PRIM2: variants seen among roughly 807,000 people sequenced by gnomAD.
PRIM2 encodes DNA primase large subunit.
Under a neutral mutation model 67.3 loss-of-function variants are expected in PRIM2, and 39 were observed. The ratio of observed to expected loss-of-function variants is 0.58; its 90% CI spans 0.45 to 0.76. The LOEUF is 0.76. PRIM2 is among the 30% of genes least tolerant of loss of function. The pLI is 0.00. For missense variants in PRIM2, 398 were observed against 598.7 expected (o/e 0.66, Z 3.50); for synonymous variants, 143 against 198.7 (o/e 0.72, Z 2.36).
chr6:57,342,549 T>C (rs199695599), intron 5 of PRIM2, among the ~76,000 whole-genome samples: 1 of 152,334 alleles, frequency 6.6e-6, no homozygotes, highest in East Asian at 1.9e-4. Flanking sequence ...TTGGATGCTT[T>C]TTAAAACCTC....
chr6:57,420,684 A>T (rs1771434842), intron 7 of PRIM2, among the ~76,000 whole-genome samples: 1 of 152,320 alleles, frequency 6.6e-6, no homozygotes, highest in Middle Eastern at 3.4e-3. Context: ...ATCTGCCAGG[A>T]TGGCTAAGAA....
In PRIM2 at chr6:57,470,689, A is replaced by G. The variant is rs1385807471; in HGVS notation, c.694-36698A>G. 2.0e-5 allele frequency among the ~76,000 whole-genome samples: 3 copies of G among 151,848 alleles called. No homozygotes were observed. The East Asian group carries it at 5.8e-4, about 29-fold the overall frequency. ...ATTGTATGTAGCCTTTTGTTGGTAG[A>G]TATTCTAATTTGGTAGGATTAAAAC... is the stretch of plus-strand genomic sequence containing the variant. On this transcript the variant is annotated intron_variant, in intron 7 of 13. Coordinates refer to ENST00000615550, the MANE Select transcript of PRIM2 (RefSeq NM_000947.5).
chr6:57,567,173 A>C (rs1309199249), intron 10 of PRIM2, among the ~76,000 whole-genome samples: 30 of 152,322 alleles, frequency 2.0e-4, no homozygotes, highest in Admixed American at 1.8e-3. Context: ...AGAAAAAAAA[A>C]TATTGTAATA....
chr6:57,472,850 G>A (rs1333667138), intron 7 of PRIM2, among the ~76,000 whole-genome samples: 3 of 152,202 alleles, frequency 2.0e-5, no homozygotes, highest in Admixed American at 1.3e-4. Flanking sequence ...AGAGCAGGAA[G>A]CAATTGTATT....
At chr6:57,360,259 A>G (rs1298244374) in intron 5 of PRIM2, among the ~76,000 whole-genome samples, 2 of 152,200 alleles carry the variant, frequency 1.3e-5, no homozygotes, top group Non-Finnish European at 2.9e-5. Context: ...AAATAAATGA[A>G]TGAAACAATC....
intron 7 of PRIM2, among the ~76,000 whole-genome samples, chr6:57,386,459 A>AGAAAAG (rs1770155835): frequency 1.3e-5 from 2 of 151,704 alleles, no homozygotes; most frequent in South Asian, 4.2e-4. Context: ...AAAGAAAGAA[A>AGAAAAG]GAAAAGGATT....
At chr6:57,247,826 T>C in the PRIM2 span, among the ~76,000 whole-genome samples, 308 of 152,324 alleles carry the variant, frequency 2.0e-3, no homozygotes, top group African/African-American at 6.9e-3. Context: ...TATTTGGGCT[T>C]TTAAAAATAA....
At chr6:57,514,401 A>G (rs1774437248) in intron 8 of PRIM2, among the ~76,000 whole-genome samples, 1 of 152,082 alleles carries the variant, frequency 6.6e-6, no homozygotes, top group South Asian at 2.1e-4. Flanking sequence ...ATGGTTTAGT[A>G]GATAGGGGCT....
chr6:57,409,520 G>A (rs1771013908), intron 7 of PRIM2, among the ~76,000 whole-genome samples: 1 of 152,080 alleles, frequency 6.6e-6, no homozygotes, highest in Admixed American at 6.5e-5. Flanking sequence ...CAATAAATAT[G>A]TTTAAAGTAT....
chr6:57,387,175 G>A (rs1770181740), intron 7 of PRIM2, among the ~76,000 whole-genome samples: 1 of 152,090 alleles, frequency 6.6e-6, no homozygotes, highest in Non-Finnish European at 1.5e-5. Flanking sequence ...TTCTCATTAT[G>A]TGTTTTCCTC....
intron 10 of PRIM2, among the ~76,000 whole-genome samples, chr6:57,576,317 T>C (rs1216603588): frequency 0.16 from 23,857 of 151,702 alleles, 2,059 homozygotes; most frequent in Non-Finnish European, 0.2. Flanking sequence ...AAATGCAATT[T>C]GTCTTATCTT....
At chr6:57,391,020 C>T in intron 7 of PRIM2, among the ~76,000 whole-genome samples, 1 of 151,658 alleles carries the variant, frequency 6.6e-6, no homozygotes, top group African/African-American at 2.4e-5. Context: ...ATAAGTGTTC[C>T]CTCCTCTTCG....
the PRIM2 span, among the ~76,000 whole-genome samples, chr6:57,234,152 T>A: frequency 6.6e-6 from 1 of 152,128 alleles, no homozygotes; most frequent in Non-Finnish European, 1.5e-5. Context: ...GGAATGGAGG[T>A]AAGGGCTGGT....
intron 11 of PRIM2, among the ~76,000 whole-genome samples, chr6:57,604,889 A>G (rs1776531670): frequency 1.3e-5 from 2 of 152,046 alleles, no homozygotes; most frequent in South Asian, 4.1e-4. Context: ...ACAGGGTTTC[A>G]CTGTGTTAGC....
intron 5 of PRIM2, among the ~76,000 whole-genome samples, chr6:57,331,595 G>C (rs1562697465): frequency 6.6e-6 from 1 of 152,050 alleles, no homozygotes; most frequent in Admixed American, 6.5e-5. Context: ...ATCTATTTAA[G>C]TTTTATATTA....
At chr6:57,642,498 A>G (rs1237139883) in intron 13 of PRIM2, among the ~76,000 whole-genome samples, 2 of 116,036 alleles carry the variant, frequency 1.7e-5, no homozygotes, top group African/African-American at 6.9e-5. Flanking sequence ...GCTGGAGTGC[A>G]GTGGCGCGAT....
In PRIM2 at chr6:57,537,535, C is replaced by A. The variant is rs1333280576; in HGVS notation, c.930C>A (p.Gly310=). 6.3e-7 allele frequency: 1 copy of A among 1,589,306 alleles called. No individual in the cohort carries two copies. The highest frequency in any genetic ancestry group is 8.6e-7 in the Non-Finnish European group (1 of 1,162,712). ...GTCATGGAGGCCGAATGCAGTATGG[C>A]CTATTTCTGAAGGGCATTGGTTTAA... ...HLRHGGRMQY[G]LFLKGIGLTL... is the part of the protein sequence containing the mutation. The change falls in exon 10 of 14, where the codon GGC becomes GGA. Residue 310 remains glycine, a synonymous_variant. Transcript: ENST00000615550.
At chr6:57,529,708 C>G (rs1486353533) in intron 8 of PRIM2, among the ~76,000 whole-genome samples, 4 of 151,970 alleles carry the variant, frequency 2.6e-5, no homozygotes, top group Non-Finnish European at 5.9e-5. Context: ...TTTCTTCAAG[C>G]CCTATAGGTT....
At chr6:57,418,393 T>G (rs796549394) in intron 7 of PRIM2, among the ~76,000 whole-genome samples, 1,574 of 108,524 alleles carry the variant, frequency 0.015, 110 homozygotes, top group African/African-American at 0.049. Context: ...GTTTTTTTTT[T>G]TTTTTTTTTT....
Sources: allele counts gnomAD v4.1 joint callset (sites outside exome capture counted in the v4.1 genomes callset), GRCh38; gene constraint gnomAD v4.1.1; transcripts MANE v1.5; gene names NCBI Gene and HGNC (gene_info 2026-07-23, HGNC 2026-07-21).